The following MYO5A variants were observed in gnomAD, a reference collection of about 807,000 sequenced individuals.
MYO5A encodes unconventional myosin-Va.
MYO5A carries 98 observed loss-of-function variants against 249.7 expected under a neutral mutation model. The ratio of observed to expected loss-of-function variants is 0.39; its 90% CI spans 0.33 to 0.46. MYO5A has a LOEUF of 0.46. Among genes scored for constraint, MYO5A ranks in the 20% least tolerant of loss-of-function variants. The pLI is 0.98. For missense variants in MYO5A, 1,696 were observed against 2,308.8 expected (o/e 0.73, Z 5.44); for synonymous variants, 778 against 810.6 (o/e 0.96, Z 0.68).
At chr15:52,422,016 G>A (rs914345353) in intron 4 of MYO5A, among the ~76,000 whole-genome samples, 1 of 152,092 alleles carries the variant, frequency 6.6e-6, no homozygotes, top group African/African-American at 2.4e-5. Context: ...ACACTACCTG[G>A]TTTTAAGGAA....
Position 52,314,116 on chromosome 15 carries a change from C to T in MYO5A, c.5490+7G>A. On this transcript the variant is annotated splice_region_variant and intron_variant, in intron 41 of 41. Transcript: ENST00000399233. Reference sequence around the variant, plus strand: ...GGTGAATCAAAGAAGAAGATGGGAGCTCTTACCTGTATAGTACGAATGAAC... The same window carrying T: ...GGTGAATCAAAGAAGAAGATGGGAGTTCTTACCTGTATAGTACGAATGAAC... 3 of 1,595,720 alleles carry T rather than the reference C, an allele frequency of 1.9e-6. No homozygotes were observed. The highest frequency in any genetic ancestry group is 1.7e-6 in the Non-Finnish European group (2 of 1,164,196).
intron 5 of MYO5A, among the ~76,000 whole-genome samples, chr15:52,415,280 A>C (rs1231794014): frequency 6.6e-6 from 1 of 152,268 alleles, no homozygotes; most frequent in East Asian, 1.9e-4. Context: ...CTGCATGTCC[A>C]AATTAATTTC....
At chr15:52,506,095 T>A (rs888592199) in intron 1 of MYO5A, among the ~76,000 whole-genome samples, 1 of 152,096 alleles carries the variant, frequency 6.6e-6, no homozygotes, top group African/African-American at 2.4e-5. Context: ...CTCATGCCTG[T>A]AATCCCAGCA....
intron 39 of MYO5A, 42 bp downstream of exon 39, chr15:52,319,018 G>T: frequency 1.2e-6 from 2 of 1,609,560 alleles, no homozygotes; most frequent in South Asian, 1.1e-5. Context: ...AGGCCAGCTG[G>T]GCAGCAAAAA....
At chr15:52,505,261 A>G in intron 1 of MYO5A, 1 of 775,892 alleles carries the variant, frequency 1.3e-6, no homozygotes. Flanking sequence ...CAAGAGCTAC[A>G]TCAAGGGGTA....
At chr15:52,320,466 T>C (rs1252162515) in intron 38 of MYO5A, among the ~76,000 whole-genome samples, 53 of 152,312 alleles carry the variant, frequency 3.5e-4, no homozygotes. Flanking sequence ...TGGCTGAAGT[T>C]GACCTTGGTA....
intron 1 of MYO5A, among the ~76,000 whole-genome samples, chr15:52,490,521 A>T (rs932014176): frequency 6.6e-6 from 1 of 152,230 alleles, no homozygotes; most frequent in Non-Finnish European, 1.5e-5. Context: ...GAAATAAGCC[A>T]GTCATGAAAA....
At chr15:52,516,071 T>C (rs1360628341) in intron 1 of MYO5A, among the ~76,000 whole-genome samples, 4 of 152,218 alleles carry the variant, frequency 2.6e-5, no homozygotes, top group Non-Finnish European at 5.9e-5. Flanking sequence ...TAGGTTTTAT[T>C]ATCACCATTA....
At position 52,324,568 on chromosome 15, in the gene MYO5A, A is replaced by C. The variant is rs149014246; in HGVS notation, c.4711-1124T>G. Among the ~76,000 whole-genome samples, 68 of 152,266 alleles carry C rather than the reference A, an allele frequency of 4.5e-4. 2 individuals carry two copies. In the East Asian group the frequency reaches 7.1e-3, roughly 16 times the overall value. On this transcript the variant is annotated intron_variant, in intron 36 of 41. Transcript: ENST00000399233. ...CTAGCATCAAATGGTCTTAGAAGCT[A>C]ATTTTTTTTTGCATGAAATCATTTA...
chr15:52,444,100 A>T (rs2075840657), intron 1 of MYO5A, among the ~76,000 whole-genome samples: 1 of 152,218 alleles, frequency 6.6e-6, no homozygotes, highest in African/African-American at 2.4e-5. Context: ...GTCACCATTA[A>T]GTAGCAAAAA....
intron 1 of MYO5A, among the ~76,000 whole-genome samples, chr15:52,471,916 C>A (rs1030032115): frequency 1.3e-5 from 2 of 151,792 alleles, no homozygotes; most frequent in Non-Finnish European, 2.9e-5. Flanking sequence ...CCAGGCTGGT[C>A]TCAAACTCCC....
At chr15:52,317,299 C>A in intron 39 of MYO5A, 77 bp from the exon 40 acceptor site, 1 of 1,405,946 alleles carries the variant, frequency 7.1e-7, no homozygotes, top group Non-Finnish European at 9.9e-7. Flanking sequence ...TTGTGTGCGG[C>A]CTTGTCAGGA....
Position 52,319,628 on chromosome 15 carries a change from G to T in MYO5A, c.4952-286C>A, listed in dbSNP as rs7167680. On this transcript the variant is annotated intron_variant, in intron 38 of 41. Transcript: ENST00000399233. ...TGCCTGTAATCCCAGCTACTCAGAA[G>T]GCTGAGGCAGGACAATCACTTGAAC... Among the ~76,000 whole-genome samples the T allele has an allele frequency of 0.086, 13,139 of 152,104 alleles. 1,753 individuals are homozygous for T. The highest frequency in any genetic ancestry group is 0.29 in the African/African-American group (11,975 of 41,418).
rs146750163 is a variant in MYO5A, at chr15:52,373,358, C to A, written c.2578-995G>T. Among the ~76,000 whole-genome samples, 1,252 of 152,236 alleles carry A rather than the reference C, an allele frequency of 8.2e-3. 16 individuals carry two copies. Among genetic ancestry groups the A allele is most frequent in the African/African-American group, 0.027 (1,136 of 41,540 alleles). The stretch of plus-strand genomic sequence containing the variant: ...ACTGGATAAATAAAACTATTAATGC[C>A]AATTTTCCTGTTCCATTTGCTTCTC... On this transcript the variant is annotated intron_variant, in intron 20 of 41. Coordinates refer to ENST00000399233, the MANE Select transcript of MYO5A (RefSeq NM_001382347.1).
intron 23 of MYO5A, 59 bp from the exon 24 acceptor site, chr15:52,364,761 A>C (rs2040729084): frequency 6.3e-7 from 1 of 1,580,402 alleles, no homozygotes; most frequent in African/African-American, 1.3e-5. Flanking sequence ...GCAATTGTGT[A>C]AACATGTATA....
At chr15:52,338,596 T>C (rs185406161) in intron 32 of MYO5A, among the ~76,000 whole-genome samples, 1 of 152,340 alleles carries the variant, frequency 6.6e-6, no homozygotes, top group Admixed American at 6.5e-5. Context: ...TATGTTTGAA[T>C]CCATCCTCCT....
At chr15:52,322,622 A>G (rs2038384389) in intron 37 of MYO5A, among the ~76,000 whole-genome samples, 1 of 152,258 alleles carries the variant, frequency 6.6e-6, no homozygotes, top group East Asian at 1.9e-4. Context: ...GACACATACT[A>G]AAGCAGCCCT....
chr15:52,408,816 G>C (rs2043124307), intron 6 of MYO5A, among the ~76,000 whole-genome samples: 1 of 152,148 alleles, frequency 6.6e-6, no homozygotes, highest in African/African-American at 2.4e-5. Context: ...GTTGGCTAAT[G>C]AATCGTATTA....
intron 1 of MYO5A, among the ~76,000 whole-genome samples, chr15:52,494,544 G>A (rs1004631940): frequency 1.3e-5 from 2 of 152,178 alleles, no homozygotes; most frequent in African/African-American, 4.8e-5. Context: ...CCGGTCAGGA[G>A]TGCAGTGGCA....
Sources: allele counts gnomAD v4.1 joint callset (sites outside exome capture counted in the v4.1 genomes callset), GRCh38; gene constraint gnomAD v4.1.1; transcripts MANE v1.5; gene names NCBI Gene and HGNC (gene_info 2026-07-23, HGNC 2026-07-21).